Variants in ZNF493 observed in about 807,000 individuals in gnomAD.
ZNF493 encodes the protein zinc finger protein 493.
ZNF493 carries 11 observed loss-of-function variants against 12.2 expected under a neutral mutation model. That is an observed-to-expected ratio of 0.90 (90% CI 0.57 to 1.50). ZNF493 has a LOEUF of 1.50. Among genes scored for constraint, ZNF493 ranks in the 40% most tolerant of loss-of-function variants. The pLI is 0.00. For missense variants in ZNF493, 950 were observed against 906.6 expected (o/e 1.05, Z -0.61); for synonymous variants, 286 against 302.6 (o/e 0.95, Z 0.57).
rs2030183980 is a variant in ZNF493 at position 21,407,833 on chromosome 19, A to G, written c.253+1977A>G. 3 of 985,260 alleles carry G rather than the reference A, an allele frequency of 3.0e-6. No individual in the cohort carries two copies. The African/African-American group carries it at 5.2e-5, about 17-fold the overall frequency. 61.0% of individuals were successfully genotyped at this position (985,260 alleles called of 1,614,324 possible). On this transcript the variant is annotated intron_variant, in intron 3 of 3. Transcript: ENST00000392288. ...AGAATTCTTTTTTCATTATTCTGCC[A>G]CATGCTTCCAGTGCTATGTTAAAAT...
Position 21,422,974 on chromosome 19 carries a change from A to G in ZNF493, c.315A>G (p.Gln105=), listed in dbSNP as rs1173143570. The change falls in exon 4 of 4, where the codon CAA becomes CAG. Residue 105 remains glutamine, a synonymous_variant. Coordinates refer to ENST00000392288, the MANE Select transcript of ZNF493 (RefSeq NM_001076678.3). ...GGCCAGGCATTAAAGATTCTTTTCA[A>G]AAAGTGATACTGAGAGAATATGTAA... ...CPGPGIKDSF[Q]KVILREYVKC... is the part of the protein sequence containing the mutation. 6.3e-7 allele frequency: 1 copy of G among 1,599,512 alleles called. No individual in the cohort carries two copies. The highest frequency in any genetic ancestry group is 1.1e-5 in the South Asian group (1 of 87,338).
rs1226690097 is a variant in ZNF493 at position 21,427,496 on chromosome 19, T to C, written c.*2512T>C. ...GCAGTACATTTTAAAAAATTTTAAA[T>C]TCTGTGTGAAGGTAACTGTTTCAAC... On this transcript the variant is annotated 3_prime_UTR_variant, in exon 4 of 4. Coordinates refer to ENST00000392288, the MANE Select transcript of ZNF493 (RefSeq NM_001076678.3). The C allele has an allele frequency of 1.3e-5, 2 of 152,010 alleles. No homozygotes were observed. The highest frequency in any genetic ancestry group is 2.4e-5 in the African/African-American group (1 of 41,400). 9.4% of individuals were successfully genotyped at this position (152,010 alleles called of 1,614,324 possible).
intron 3 of ZNF493, among the ~76,000 whole-genome samples, chr19:21,410,091 T>TATGC (rs1555730610): frequency 1.3e-4 from 19 of 144,486 alleles, no homozygotes; most frequent in South Asian, 1.3e-3. Flanking sequence ...TATATATATA[T>TATGC]GCAACACTTT....
chr19:21,416,213 TC>T (rs1397115403), intron 3 of ZNF493, among the ~76,000 whole-genome samples: 2 of 152,196 alleles, frequency 1.3e-5, no homozygotes, highest in African/African-American at 4.8e-5. Flanking sequence ...ACTCTGTTTT[TC>T]CGCTGGAAGT....
intron 3 of ZNF493, among the ~76,000 whole-genome samples, chr19:21,407,172 A>AC (rs2030158386): frequency 6.6e-6 from 1 of 152,026 alleles, no homozygotes; most frequent in Non-Finnish European, 1.5e-5. Context: ...TTATGGTGAA[A>AC]CCCCGTCTCT....
At chr19:21,403,937 A>G (rs1568377321) in intron 1 of ZNF493, among the ~76,000 whole-genome samples, 1 of 152,170 alleles carries the variant, frequency 6.6e-6, no homozygotes, top group Non-Finnish European at 1.5e-5. Flanking sequence ...ACTACTTAAA[A>G]TGTTCCCTTT....
At position 21,425,477 on chromosome 19, in the gene ZNF493, ATCC is replaced by A; in HGVS notation, c.*494_*496del. On this transcript the variant is annotated 3_prime_UTR_variant, in exon 4 of 4. Transcript: ENST00000392288. Reference sequence around the variant, plus strand: ...GTGGCAAAGCTTTTAACAAATCCTCATCCATTAGTAAACATAAGATAATTCATA... The same window carrying A: ...GTGGCAAAGCTTTTAACAAATCCTCAATTAGTAAACATAAGATAATTCATA... The A allele has an allele frequency of 2.2e-6, 1 of 463,286 alleles. No individual in the cohort carries two copies. The highest frequency in any genetic ancestry group is 4.2e-6 in the Non-Finnish European group (1 of 236,992). 28.7% of individuals were successfully genotyped at this position (463,286 alleles called of 1,614,324 possible).
intron 3 of ZNF493, among the ~76,000 whole-genome samples, chr19:21,415,912 C>G (rs183149754): frequency 6.6e-6 from 1 of 152,208 alleles, no homozygotes; most frequent in Non-Finnish European, 1.5e-5. Context: ...GGTTGTAATG[C>G]TCCCATAGGT....
intron 2 of ZNF493, 54 bp downstream of exon 2, chr19:21,405,309 C>G: frequency 6.4e-7 from 1 of 1,561,970 alleles, no homozygotes; most frequent in South Asian, 1.2e-5. Flanking sequence ...TTTCATTTCT[C>G]TGTTTTCATA....
At chr19:21,409,386 T>G (rs1211958567) in intron 3 of ZNF493, among the ~76,000 whole-genome samples, 1 of 152,198 alleles carries the variant, frequency 6.6e-6, no homozygotes, top group Non-Finnish European at 1.5e-5. Flanking sequence ...TTTCAGTTTT[T>G]CTGTTAGAAA....
intron 3 of ZNF493, chr19:21,413,227 C>A: frequency 2.7e-6 from 1 of 368,506 alleles, no homozygotes; most frequent in South Asian, 3.9e-5. Context: ...GGGCGGTATG[C>A]CTCAATTATA....
intron 1 of ZNF493, among the ~76,000 whole-genome samples, chr19:21,403,887 A>C (rs2030031420): frequency 6.6e-6 from 1 of 152,280 alleles, no homozygotes; most frequent in East Asian, 1.9e-4. Flanking sequence ...ATGGCTTCTT[A>C]TACGCCATGC....
chr19:21,415,519 T>C (rs1312693634), intron 3 of ZNF493, among the ~76,000 whole-genome samples: 1 of 152,166 alleles, frequency 6.6e-6, no homozygotes, highest in East Asian at 1.9e-4. Flanking sequence ...CTGAATTTTG[T>C]CAGGAGCCAT....
chr19:21,400,341 T>A (rs1030450815), intron 1 of ZNF493, among the ~76,000 whole-genome samples: 4 of 151,956 alleles, frequency 2.6e-5, no homozygotes, highest in African/African-American at 9.7e-5. Context: ...ACCTAAGAGG[T>A]TGAGGTTGTA....
At chr19:21,420,487 A>G (rs1298862188) in intron 3 of ZNF493, among the ~76,000 whole-genome samples, 1 of 147,932 alleles carries the variant, frequency 6.8e-6, no homozygotes, top group South Asian at 2.1e-4. Context: ...CCTTTTATAT[A>G]TAAGGCAGTG....
intron 3 of ZNF493, chr19:21,413,275 G>A (rs2030382327): frequency 2.5e-6 from 1 of 407,082 alleles, no homozygotes; most frequent in African/African-American, 2.1e-5. Flanking sequence ...AGATAAGAAA[G>A]CATGTGTAAC....
chr19:21,410,054 TTG>T (rs71176869), intron 3 of ZNF493, among the ~76,000 whole-genome samples: 10,385 of 46,816 alleles, frequency 0.22, 477 homozygotes, highest in Non-Finnish European at 0.3. Context: ...TAATATTTCA[TTG>T]TGTGTATATA....
chr19:21,411,460 C>T (rs1171610908), intron 3 of ZNF493, among the ~76,000 whole-genome samples: 1 of 152,080 alleles, frequency 6.6e-6, no homozygotes, highest in African/African-American at 2.4e-5. Context: ...TGTCTCACAC[C>T]TGTAATCCCA....
At chr19:21,399,543 T>G (rs193203653) in intron 1 of ZNF493, among the ~76,000 whole-genome samples, 2 of 152,226 alleles carry the variant, frequency 1.3e-5, no homozygotes, top group African/African-American at 4.8e-5. Context: ...CTCAGTTTTT[T>G]AGCTGTAAAT....
Sources: allele counts gnomAD v4.1 joint callset (sites outside exome capture counted in the v4.1 genomes callset), GRCh38; gene constraint gnomAD v4.1.1; transcripts MANE v1.5; gene names NCBI Gene and HGNC (gene_info 2026-07-23, HGNC 2026-07-21).